TAF13: variants seen among roughly 807,000 people sequenced by gnomAD.
The protein encoded by TAF13 is TATA-box binding protein associated factor 13.
A neutral mutation model predicts 18.7 loss-of-function variants in TAF13; 9 were observed. The observed-to-expected ratio is 0.48, with a 90% CI of 0.29 to 0.84. The LOEUF is 0.84. Ranked by LOEUF, TAF13 falls within the 40% of genes least tolerant of loss-of-function variation. The probability of loss-of-function intolerance (pLI) is 0.08; values close to 1 mark genes in which losing one functional copy is unlikely to be tolerated. For synonymous variants in TAF13, 49 were observed against 44.1 expected (o/e 1.11, Z -0.44); for missense variants, 105 against 146.5 (o/e 0.72, Z 1.46).
In TAF13 at chr1:109,075,997, T is replaced by A. The variant is rs761835429; in HGVS notation, c.-50A>T. 6.2e-7 allele frequency: 1 copy of A among 1,613,804 alleles called. No homozygotes were observed. Among genetic ancestry groups the A allele is most frequent in the Non-Finnish European group, 8.5e-7 (1 of 1,179,792 alleles). On this transcript the variant is annotated 5_prime_UTR_variant, in exon 1 of 4. Transcript: ENST00000338366. ...GTCCTGCCGGCTGGCTCCCAGCTGG[T>A]TACACTACTTCCGCCGCCTCACTTC...
chr1:109,073,354 A>G (rs1039295039), intron 2 of TAF13, among the ~76,000 whole-genome samples: 1 of 151,892 alleles, frequency 6.6e-6, no homozygotes, highest in African/African-American at 2.4e-5. Context: ...CCTGGCTAAC[A>G]CAGTGAAACC....
chr1:109,072,359 GT>G (rs1049278440), intron 2 of TAF13, among the ~76,000 whole-genome samples: 1 of 151,504 alleles, frequency 6.6e-6, no homozygotes, highest in Non-Finnish European at 1.5e-5. Context: ...TCCCTTCCTC[GT>G]GTTGCCAAAA....
chr1:109,069,762 A>G (rs539188514), intron 2 of TAF13, among the ~76,000 whole-genome samples: 215 of 152,282 alleles, frequency 1.4e-3, no homozygotes, highest in Non-Finnish European at 2.4e-3. Flanking sequence ...GACCAGGCCT[A>G]CAGAAGAAAA....
At chr1:109,069,589 A>G (rs1186762760) in intron 2 of TAF13, among the ~76,000 whole-genome samples, 3 of 152,160 alleles carry the variant, frequency 2.0e-5, no homozygotes, top group Non-Finnish European at 4.4e-5. Flanking sequence ...CATAAAATTC[A>G]GCAAGCTGTT....
chr1:109,070,701 A>C (rs998132825), intron 2 of TAF13, among the ~76,000 whole-genome samples: 1 of 150,254 alleles, frequency 6.7e-6, no homozygotes, highest in South Asian at 2.1e-4. Context: ...GTCCCCCCCA[A>C]ATTTTTTTTT....
At chr1:109,066,055 A>G (rs1320431548) in intron 3 of TAF13, 80 bp downstream of exon 3, 3 of 1,189,972 alleles carry the variant, frequency 2.5e-6, no homozygotes, top group Non-Finnish European at 3.6e-6. Flanking sequence ...AAGGGATGCC[A>G]TAAGTTCTAG....
intron 3 of TAF13, 94 bp from the exon 4 acceptor site, chr1:109,064,787 T>A: frequency 9.7e-7 from 1 of 1,030,460 alleles, no homozygotes; most frequent in Admixed American, 3.1e-5. Context: ...GGTAGAAGAT[T>A]TTCTCTTATT....
intron 2 of TAF13, among the ~76,000 whole-genome samples, chr1:109,068,704 T>G (rs28634276): frequency 0.48 from 73,279 of 151,864 alleles, 18,446 homozygotes; most frequent in South Asian, 0.56. Context: ...AGAGACAAGC[T>G]TTAAGAAGTC....
intron 3 of TAF13, among the ~76,000 whole-genome samples, chr1:109,065,569 T>C (rs567793771): frequency 2.0e-5 from 3 of 151,960 alleles, no homozygotes; most frequent in African/African-American, 7.2e-5. Flanking sequence ...CTATGTTGGA[T>C]AATGGTATTA....
chr1:109,071,730 G>C (rs1004973839), intron 2 of TAF13, among the ~76,000 whole-genome samples: 5 of 151,698 alleles, frequency 3.3e-5, no homozygotes, highest in Non-Finnish European at 7.4e-5. Context: ...TGAGACGGCG[G>C]ATCATGAGGT....
intron 2 of TAF13, among the ~76,000 whole-genome samples, chr1:109,070,398 T>C (rs1037495241): frequency 2.6e-5 from 4 of 152,118 alleles, no homozygotes; most frequent in African/African-American, 7.2e-5. Flanking sequence ...TTTCTATTTT[T>C]AGTAGAGATG....
chr1:109,074,328 G>A (rs1197846757), intron 2 of TAF13, among the ~76,000 whole-genome samples: 8 of 152,160 alleles, frequency 5.3e-5, no homozygotes, highest in Non-Finnish European at 7.3e-5. Flanking sequence ...GGGTTAAATG[G>A]ATTAAGGGCG....
In TAF13 at chr1:109,064,141, A is replaced by G. The variant is rs1349361088; in HGVS notation, c.*382T>C. 1 of 116,438 alleles carries G rather than the reference A, an allele frequency of 8.6e-6. No homozygotes were observed. Among genetic ancestry groups the G allele is most frequent in the African/African-American group, 3.4e-5 (1 of 29,608 alleles). The allele number at this position is 116,438 out of a possible 1,614,324, so 7.2% of individuals were successfully genotyped here. ...CCACTGCACTCCAGCCTGCCAACAT[A>G]GTGAGACTCCATCTCAAAAAAAAAA... On this transcript the variant is annotated 3_prime_UTR_variant, in exon 4 of 4. Coordinates refer to ENST00000338366, the MANE Select transcript of TAF13 (RefSeq NM_005645.4).
At chr1:109,064,792 CTTATTA>C (rs370951849) in intron 3 of TAF13, 99 bp from the exon 4 acceptor site, 15 of 986,278 alleles carry the variant, frequency 1.5e-5, no homozygotes, top group Admixed American at 3.1e-5. Context: ...AAGATTTTCT[CTTATTA>C]TTATTATTAT....
chr1:109,073,493 T>C (rs974946730), intron 2 of TAF13, among the ~76,000 whole-genome samples: 6 of 152,158 alleles, frequency 3.9e-5, no homozygotes, highest in African/African-American at 1.4e-4. Flanking sequence ...CGTTGCAGCC[T>C]CCCTGCCTGA....
At position 109,075,985 on chromosome 1, in the gene TAF13, G is replaced by T; in HGVS notation, c.-38C>A. 6.2e-7 allele frequency: 1 copy of T among 1,614,108 alleles called. No individual in the cohort carries two copies. The highest frequency in any genetic ancestry group is 8.5e-7 in the Non-Finnish European group (1 of 1,180,024). On this transcript the variant is annotated 5_prime_UTR_variant, in exon 1 of 4. Coordinates refer to ENST00000338366, the MANE Select transcript of TAF13 (RefSeq NM_005645.4). ...CCAACTCACAGCGTCCTGCCGGCTGGCTCCCAGCTGGTTACACTACTTCCG... is the reference window on the plus strand; with the variant it reads ...CCAACTCACAGCGTCCTGCCGGCTGTCTCCCAGCTGGTTACACTACTTCCG...
intron 2 of TAF13, among the ~76,000 whole-genome samples, chr1:109,074,529 C>T (rs543642995): frequency 3.9e-5 from 6 of 152,182 alleles, no homozygotes; most frequent in Middle Eastern, 3.4e-3. Flanking sequence ...TGTCCTATGA[C>T]CCCGCCAAAT....
chr1:109,072,842 G>A (rs1664099517), intron 2 of TAF13, among the ~76,000 whole-genome samples: 1 of 147,198 alleles, frequency 6.8e-6, no homozygotes, highest in Non-Finnish European at 1.5e-5. Flanking sequence ...GTGCAGTGGC[G>A]CAATCTTGGC....
intron 2 of TAF13, among the ~76,000 whole-genome samples, chr1:109,073,557 G>C (rs886782757): frequency 6.6e-6 from 1 of 152,150 alleles, no homozygotes; most frequent in Admixed American, 6.5e-5. Context: ...TGGTGGAGAC[G>C]GGGTTTCGCC....
Sources: gnomAD v4.1 joint callset for allele counts (sites outside exome capture counted in the v4.1 genomes callset) on GRCh38, gnomAD v4.1.1 for gene constraint, MANE v1.5 for transcripts, NCBI Gene and HGNC (gene_info 2026-07-23, HGNC 2026-07-21) for gene names.